TRIB2: variants seen among roughly 807,000 people sequenced by gnomAD.
The protein encoded by TRIB2 is tribbles pseudokinase 2, also known as tribbles homolog 2.
TRIB2 carries 2 observed loss-of-function variants against 26.8 expected under a neutral mutation model. That is an observed-to-expected ratio of 0.07 (90% CI 0.03 to 0.24). The LOEUF (loss-of-function observed/expected upper bound fraction) is 0.24, where lower values mean the gene tolerates loss of function less well. Among genes scored for constraint, TRIB2 ranks in the 10% least tolerant of loss-of-function variants. The pLI, the probability that TRIB2 is intolerant of heterozygous loss-of-function variation, is 1.00. For synonymous variants in TRIB2, 189 were observed against 187.3 expected (o/e 1.01, Z -0.08); for missense variants, 306 against 449.0 (o/e 0.68, Z 2.88).
intron 1 of TRIB2, among the ~76,000 whole-genome samples, chr2:12,722,128 A>G (rs1661232922): frequency 6.6e-6 from 1 of 152,210 alleles, no homozygotes; most frequent in Admixed American, 6.5e-5. Context: ...TAGTGCCTCA[A>G]GGTTGCCGAC....
Position 12,718,093 on chromosome 2 carries a change from C to G in TRIB2, c.-215C>G, listed in dbSNP as rs1666638711. 1.6e-6 allele frequency: 1 copy of G among 629,340 alleles called. No individual in the cohort carries two copies. The allele number at this position is 629,340 out of a possible 1,614,324, so 39.0% of individuals were successfully genotyped here. A position where few individuals can be genotyped will look rare whatever the true frequency, so the allele number is the denominator to read the frequency against. On this transcript the variant is annotated 5_prime_UTR_variant, in exon 1 of 3. Coordinates refer to ENST00000155926, the MANE Select transcript of TRIB2 (RefSeq NM_021643.4). This position sits in a 1 kb window ranked among gnomAD's most constrained non-coding sequence, Gnocchi z 4.0. ...AAAAAGACCCGAGTTGCCTGCCGAC[C>G]GAGGACCCCCGGGAGCCGGGCTCGG... is the stretch of plus-strand genomic sequence containing the variant.
At chr2:12,731,631 A>G (rs114819401) in intron 2 of TRIB2, among the ~76,000 whole-genome samples, 2,380 of 152,288 alleles carry the variant, frequency 0.016, 51 homozygotes, top group African/African-American at 0.053. Context: ...AAATGTGTTC[A>G]TGGCACAGCC....
intron 1 of TRIB2, among the ~76,000 whole-genome samples, chr2:12,719,597 G>A (rs1218818334): frequency 2.0e-5 from 3 of 150,444 alleles, no homozygotes; most frequent in Non-Finnish European, 4.4e-5. Flanking sequence ...TTTTTGAGGG[G>A]GTAAGGGGAG....
chr2:12,722,596 A>G (rs941372977), intron 1 of TRIB2, among the ~76,000 whole-genome samples: 2 of 152,174 alleles, frequency 1.3e-5, no homozygotes, highest in African/African-American at 4.8e-5. Context: ...TGGTTCATTG[A>G]GTTAGATATC....
intron 2 of TRIB2, among the ~76,000 whole-genome samples, chr2:12,731,571 C>T (rs181769150): frequency 9.3e-4 from 141 of 152,276 alleles, no homozygotes; most frequent in African/African-American, 2.2e-3. Context: ...AAACCCGACA[C>T]TTTTATCTTT....
At position 12,732,193 on chromosome 2, in the gene TRIB2, G is replaced by A. The variant is rs535210276; in HGVS notation, c.564-8133G>A. On this transcript the variant is annotated intron_variant, in intron 2 of 2. Transcript: ENST00000155926. This position sits in a 1 kb window ranked among gnomAD's most constrained non-coding sequence, Gnocchi z 4.2. ...CAATGAGACTCCCCTGTTCATCCAG[G>A]CACCATGGATGGGAGTCGGGCAGGA... Among the ~76,000 whole-genome samples, 3 of 152,240 alleles carry A rather than the reference G, an allele frequency of 2.0e-5. No individual in the cohort carries two copies. Among genetic ancestry groups the A allele is most frequent in the African/African-American group, 4.8e-5 (2 of 41,526 alleles).
chr2:12,736,364 T>G (rs1299311999), intron 2 of TRIB2, among the ~76,000 whole-genome samples: 4 of 152,078 alleles, frequency 2.6e-5, no homozygotes, highest in South Asian at 2.1e-4. Context: ...CACGAAAAGC[T>G]TGAGGTGGTG....
chr2:12,725,048 G>A (rs1661308344), intron 2 of TRIB2, among the ~76,000 whole-genome samples: 3 of 152,206 alleles, frequency 2.0e-5, no homozygotes, highest in Admixed American at 6.5e-5. Flanking sequence ...GCTCCAAAGT[G>A]CAACGTGGTG....
chr2:12,725,764 G>A (rs958532042), intron 2 of TRIB2, among the ~76,000 whole-genome samples: 9 of 152,212 alleles, frequency 5.9e-5, no homozygotes, highest in African/African-American at 2.2e-4. Flanking sequence ...TCATTTTCAA[G>A]AGCATTTTCC....
chr2:12,723,451 A>G lies in TRIB2; in HGVS notation c.462A>G (p.Arg154=). The change falls in exon 2 of 3, where the codon AGA becomes AGG. Residue 154 remains arginine, a synonymous_variant. Coordinates refer to ENST00000155926, the MANE Select transcript of TRIB2 (RefSeq NM_021643.4). ...CKKLREEEAA[R]LFYQIASAVA... ...AGCTGAGAGAGGAGGAGGCAGCCAGACTGTTCTACCAGATTGCCTCGGCAG... is the reference window on the plus strand; with the variant it reads ...AGCTGAGAGAGGAGGAGGCAGCCAGGCTGTTCTACCAGATTGCCTCGGCAG... The G allele has an allele frequency of 6.2e-7, 1 of 1,614,192 alleles. No individual in the cohort carries two copies. Among genetic ancestry groups the G allele is most frequent in the Non-Finnish European group, 8.5e-7 (1 of 1,180,044 alleles).
intron 2 of TRIB2, among the ~76,000 whole-genome samples, chr2:12,737,605 G>A (rs1661610404): frequency 6.6e-6 from 1 of 152,204 alleles, no homozygotes; most frequent in African/African-American, 2.4e-5. Flanking sequence ...GATCCTTCCT[G>A]TTTTTGTAGA....
chr2:12,724,135 G>A (rs1661285788), intron 2 of TRIB2, among the ~76,000 whole-genome samples: 1 of 152,182 alleles, frequency 6.6e-6, no homozygotes, highest in South Asian at 2.1e-4. Flanking sequence ...GACTTGGAGA[G>A]TCAAGGAAGG....
At chr2:12,724,052 A>G (rs1229759515) in intron 2 of TRIB2, among the ~76,000 whole-genome samples, 1 of 152,210 alleles carries the variant, frequency 6.6e-6, no homozygotes, top group East Asian at 1.9e-4. Flanking sequence ...AGGAAATGCT[A>G]CCAGCTCAGA....
At chr2:12,729,486 C>T (rs763289969) in intron 2 of TRIB2, among the ~76,000 whole-genome samples, 24 of 152,166 alleles carry the variant, frequency 1.6e-4, no homozygotes, top group Non-Finnish European at 2.9e-4. Context: ...CCTATGGAGA[C>T]ACCTTTTCAA....
intron 1 of TRIB2, 74 bp from the exon 2 acceptor site, chr2:12,723,186 G>A (rs1661262877): frequency 6.7e-7 from 1 of 1,496,942 alleles, no homozygotes; most frequent in African/African-American, 1.4e-5. Flanking sequence ...ATACCTGTGG[G>A]AGGTGCAGCA....
At chr2:12,720,263 G>C (rs551867597) in intron 1 of TRIB2, among the ~76,000 whole-genome samples, 1 of 152,308 alleles carries the variant, frequency 6.6e-6, no homozygotes, top group African/African-American at 2.4e-5. Context: ...GTCATTTGCA[G>C]ACTTGTGCTC....
Position 12,718,092 on chromosome 2 carries a change from C to A in TRIB2, c.-216C>A, listed in dbSNP as rs528057074. 1.6e-5 allele frequency: 10 copies of A among 627,646 alleles called. No individual in the cohort carries two copies. Among genetic ancestry groups the A allele is most frequent in the Non-Finnish European group, 2.7e-5 (10 of 371,726 alleles). The allele number at this position is 627,646 out of a possible 1,614,324, so 38.9% of individuals were successfully genotyped here. On this transcript the variant is annotated 5_prime_UTR_variant, in exon 1 of 3. Transcript: ENST00000155926. The surrounding 1 kb of genome is among the most constrained non-coding windows in gnomAD (Gnocchi z 4.0). The stretch of plus-strand genomic sequence containing the variant: ...CAAAAAGACCCGAGTTGCCTGCCGA[C>A]CGAGGACCCCCGGGAGCCGGGCTCG...
At chr2:12,739,203 G>C (rs1210507477) in intron 2 of TRIB2, among the ~76,000 whole-genome samples, 1 of 152,150 alleles carries the variant, frequency 6.6e-6, no homozygotes, top group East Asian at 1.9e-4. Flanking sequence ...AAGGCCTTGG[G>C]AGTATGAGGG....
At chr2:12,737,092 G>A (rs914575053) in intron 2 of TRIB2, among the ~76,000 whole-genome samples, 2 of 152,072 alleles carry the variant, frequency 1.3e-5, no homozygotes, top group East Asian at 1.9e-4. Flanking sequence ...AGAGATGGTC[G>A]AGAGTCCCTG....
Sources: gnomAD v4.1 joint callset for allele counts (sites outside exome capture counted in the v4.1 genomes callset) on GRCh38, gnomAD v4.1.1 for gene constraint, Gnocchi (gnomAD v3.1) non-coding constraint, MANE v1.5 for transcripts, NCBI Gene and HGNC (gene_info 2026-07-23, HGNC 2026-07-21) for gene names.